PCDHGA9: variants seen among roughly 807,000 people sequenced by gnomAD.
PCDHGA9 encodes protocadherin gamma subfamily A, 9.
PCDHGA9 carries 37 observed loss-of-function variants against 62.5 expected under a neutral mutation model. That is an observed-to-expected ratio of 0.59 (90% CI 0.46 to 0.78). The LOEUF (loss-of-function observed/expected upper bound fraction) is 0.78, where lower values mean the gene tolerates loss of function less well. Among genes scored for constraint, PCDHGA9 ranks in the 30% least tolerant of loss-of-function variants. The pLI, the probability that PCDHGA9 is intolerant of heterozygous loss-of-function variation, is 0.00. For synonymous variants in PCDHGA9, 459 were observed against 484.6 expected, an observed-to-expected ratio of 0.95 and a Z score of 0.69; for missense variants, 1,138 against 1,166.2, an observed-to-expected ratio of 0.98 and a Z score of 0.35.
At chr5:141,495,255 G>A (rs1055329757) in intron 2 of PCDHGA9, among the ~76,000 whole-genome samples, 5 of 152,212 alleles carry the variant, frequency 3.3e-5, no homozygotes, top group African/African-American at 1.2e-4. Flanking sequence ...GGCTCAGGCA[G>A]AAAAGCATTT....
At position 141,409,480 on chromosome 5, in the gene PCDHGA9, CAG is replaced by C. The variant is rs761811893; in HGVS notation, c.2424+4105_2424+4106del. 9 of 1,614,002 alleles carry C rather than the reference CAG, an allele frequency of 5.6e-6. No homozygotes were observed. In the Admixed American group the frequency reaches 8.3e-5, roughly 15 times the overall value. On this transcript the variant is annotated intron_variant, in intron 1 of 3. Transcript: ENST00000573521. ...ACAATGTCACCATCGTAGCCACTGA[CAG>C]GGGCAAGCCGCCTCTTTCTTCCAGT...
In PCDHGA9 at chr5:141,486,184, A is replaced by G. The variant is rs2099625756; in HGVS notation, c.2425-8623A>G. 8 of 1,614,014 alleles carry G rather than the reference A, an allele frequency of 5.0e-6. No homozygotes were observed. Among genetic ancestry groups the G allele is most frequent in the Non-Finnish European group, 6.8e-6 (8 of 1,180,026 alleles). On this transcript the variant is annotated intron_variant, in intron 1 of 3. Transcript: ENST00000573521. This position sits in a 1 kb window ranked among gnomAD's most constrained non-coding sequence, Gnocchi z 5.0. ...CCATGGAGCAACATTGCAGCCTTCG[A>G]GTGGATCTGCTGGACGTAAATGACA...
rs1364415249 is a variant in PCDHGA9 at position 141,489,240 on chromosome 5, C to A, written c.2425-5567C>A. The stretch of plus-strand genomic sequence containing the variant: ...ACTCTCCACAAAGGGACTTCTGGGT[C>A]ATGGGGCCCAAGACACTCCCACAGC... On this transcript the variant is annotated intron_variant, in intron 1 of 3. Coordinates refer to ENST00000573521, the MANE Select transcript of PCDHGA9 (RefSeq NM_018921.3). The surrounding 1 kb of genome is among the most constrained non-coding windows in gnomAD (Gnocchi z 4.5). 1 of 1,534,136 alleles carries A rather than the reference C, an allele frequency of 6.5e-7. No individual in the cohort carries two copies. Among genetic ancestry groups the A allele is most frequent in the South Asian group, 1.3e-5 (1 of 76,896 alleles).
Position 141,486,407 on chromosome 5 carries a change from C to T in PCDHGA9, c.2425-8400C>T. The T allele has an allele frequency of 6.2e-7, 1 of 1,614,134 alleles. No individual in the cohort carries two copies. Among genetic ancestry groups the T allele is most frequent in the African/African-American group, 1.3e-5 (1 of 75,046 alleles). ...CCAGTTCTCCCTGGTGACTGCTGGA[C>T]CCTTGGATCGAGAGGCCAAATCTAG... On this transcript the variant is annotated intron_variant, in intron 1 of 3. Coordinates refer to ENST00000573521, the MANE Select transcript of PCDHGA9 (RefSeq NM_018921.3). This position sits in a 1 kb window ranked among gnomAD's most constrained non-coding sequence, Gnocchi z 5.0.
chr5:141,475,978 G>C, intron 1 of PCDHGA9: 1 of 1,010,712 alleles, frequency 9.9e-7, no homozygotes, highest in Non-Finnish European at 1.4e-6. Context: ...AGACTGAACA[G>C]CCGGCGAGCA....
chr5:141,441,823 C>A (rs538052540), intron 1 of PCDHGA9: 6 of 357,336 alleles, frequency 1.7e-5, no homozygotes, highest in South Asian at 7.1e-5. Flanking sequence ...AGCTCTGGAG[C>A]GCAATGGCTT....
At chr5:141,415,366 G>T in intron 1 of PCDHGA9, 1 of 1,614,252 alleles carries the variant, frequency 6.2e-7, no homozygotes, top group South Asian at 1.1e-5. Flanking sequence ...CCTGCTGCAG[G>T]CTTCAGGAGG....
chr5:141,420,156 A>T lies in PCDHGA9; in HGVS notation c.2424+14780A>T, dbSNP rs1406451882. ...GGGGATCAAATGAATCCAGAATTTA[A>T]TTTTTTCACATCTGTTGATCATTGT... On this transcript the variant is annotated intron_variant, in intron 1 of 3. Coordinates refer to ENST00000573521, the MANE Select transcript of PCDHGA9 (RefSeq NM_018921.3). The T allele has an allele frequency of 1.4e-5, 22 of 1,613,872 alleles. No individual in the cohort carries two copies. Among genetic ancestry groups the T allele is most frequent in the Middle Eastern group, 3.3e-4 (2 of 6,084 alleles).
chr5:141,407,471 A>G (rs1343289603), intron 1 of PCDHGA9, among the ~76,000 whole-genome samples: 1 of 146,104 alleles, frequency 6.8e-6, no homozygotes, highest in African/African-American at 2.5e-5. Context: ...AGATGACTGA[A>G]TGGAGTATGG....
rs1406207982 is a variant in PCDHGA9 at position 141,404,600 on chromosome 5, C to G, written c.1648C>G (p.Leu550Val). The G allele has an allele frequency of 6.2e-7, 1 of 1,613,938 alleles. No homozygotes were observed. Among genetic ancestry groups the G allele is most frequent in the Non-Finnish European group, 8.5e-7 (1 of 1,179,924 alleles). Reference protein sequence around the residue: ...PPLSSNVSLRLFVLDQNDNAP... With the variant: ...PPLSSNVSLRVFVLDQNDNAP... ...ACTTAGCAGCAATGTGTCATTGAGACTGTTTGTTTTGGACCAGAATGACAA... is the reference window on the plus strand; with the variant it reads ...ACTTAGCAGCAATGTGTCATTGAGAGTGTTTGTTTTGGACCAGAATGACAA... The change falls in exon 1 of 4, where the codon CTG (leucine) becomes GTG (valine). Residue 550 changes from leucine to valine, a missense_variant. By Grantham distance (32) the Leu-to-Val change is conservative. Transcript: ENST00000573521.
In PCDHGA9 at chr5:141,485,629, C is replaced by G. The variant is rs1028146827; in HGVS notation, c.2425-9178C>G. The G allele has an allele frequency of 1.2e-6, 2 of 1,611,902 alleles. No individual in the cohort carries two copies. The highest frequency in any genetic ancestry group is 3.3e-5 in the Admixed American group (2 of 59,922). On this transcript the variant is annotated intron_variant, in intron 1 of 3. Coordinates refer to ENST00000573521, the MANE Select transcript of PCDHGA9 (RefSeq NM_018921.3). This position sits in a 1 kb window ranked among gnomAD's most constrained non-coding sequence, Gnocchi z 5.7. ...AGGCAGCTCCTCCAGGACAGCGTTTCCCGTTGGAAAAGGCTCAGGATGCAG... is the reference window on the plus strand; with the variant it reads ...AGGCAGCTCCTCCAGGACAGCGTTTGCCGTTGGAAAAGGCTCAGGATGCAG...
chr5:141,456,800 TA>T (rs1038857337), intron 1 of PCDHGA9, among the ~76,000 whole-genome samples: 2 of 151,846 alleles, frequency 1.3e-5, no homozygotes, highest in African/African-American at 4.8e-5. Flanking sequence ...CCATCTCTAC[TA>T]AAAATACAAA....
chr5:141,433,307 C>A, intron 1 of PCDHGA9: 1 of 913,756 alleles, frequency 1.1e-6, no homozygotes, highest in Non-Finnish European at 1.6e-6. Flanking sequence ...AATTATCCCA[C>A]CTTTGCCTCC....
intron 3 of PCDHGA9, among the ~76,000 whole-genome samples, chr5:141,508,943 CAG>C (rs1562237475): frequency 1.3e-5 from 2 of 151,982 alleles, no homozygotes; most frequent in Admixed American, 6.6e-5. Context: ...TTAGGGAAAA[CAG>C]AGAAATGTCA....
intron 1 of PCDHGA9, among the ~76,000 whole-genome samples, chr5:141,406,791 C>T (rs893207613): frequency 2.0e-5 from 3 of 152,182 alleles, no homozygotes; most frequent in Non-Finnish European, 4.4e-5. Context: ...TATATTATTT[C>T]TGGCTCAATT....
intron 1 of PCDHGA9, chr5:141,418,958 G>A: frequency 4.3e-6 from 7 of 1,614,000 alleles, no homozygotes; most frequent in Non-Finnish European, 5.9e-6. Context: ...AGTGGTTGTT[G>A]CCCTCTTCAA....
Position 141,476,239 on chromosome 5 carries a change from A to T in PCDHGA9, c.2425-18568A>T. ...TTCACTATGAGATCCCGGAGGAAAG[A>T]GAGAAGGGTTTCGCTGTGGGCAACG... is the stretch of plus-strand genomic sequence containing the variant. On this transcript the variant is annotated intron_variant, in intron 1 of 3. Coordinates refer to ENST00000573521, the MANE Select transcript of PCDHGA9 (RefSeq NM_018921.3). This position sits in a 1 kb window ranked among gnomAD's most constrained non-coding sequence, Gnocchi z 7.6. 1 of 1,613,826 alleles carries T rather than the reference A, an allele frequency of 6.2e-7. No homozygotes were observed. Among genetic ancestry groups the T allele is most frequent in the Non-Finnish European group, 8.5e-7 (1 of 1,179,996 alleles).
intron 1 of PCDHGA9, among the ~76,000 whole-genome samples, chr5:141,470,360 T>G (rs1554150725): frequency 6.6e-6 from 1 of 152,142 alleles, no homozygotes; most frequent in Non-Finnish European, 1.5e-5. Context: ...ATAGACACAT[T>G]AGGTTGAATG....
At position 141,419,169 on chromosome 5, in the gene PCDHGA9, C is replaced by T. The variant is rs746258255; in HGVS notation, c.2424+13793C>T. 73 of 1,613,970 alleles carry T rather than the reference C, an allele frequency of 4.5e-5. No homozygotes were observed. The highest frequency in any genetic ancestry group is 3.3e-4 in the Middle Eastern group (2 of 6,062). The stretch of plus-strand genomic sequence containing the variant: ...AAGCCTCCGTTATCCTCCAGCAAAA[C>T]CATAACCCTGCACATTACTGACGTC... On this transcript the variant is annotated intron_variant, in intron 1 of 3. Coordinates refer to ENST00000573521, the MANE Select transcript of PCDHGA9 (RefSeq NM_018921.3).
Sources: gnomAD v4.1 joint callset for allele counts (sites outside exome capture counted in the v4.1 genomes callset) on GRCh38, gnomAD v4.1.1 for gene constraint, Gnocchi (gnomAD v3.1) non-coding constraint, MANE v1.5 for transcripts, NCBI Gene and HGNC (gene_info 2026-07-23, HGNC 2026-07-21) for gene names.